SAE1: variants seen among roughly 807,000 people sequenced by gnomAD.
The protein encoded by SAE1 is SUMO-activating enzyme subunit 1.
SAE1 carries 11 observed loss-of-function variants against 40.6 expected under a neutral mutation model. That is an observed-to-expected ratio of 0.27 (90% CI 0.17 to 0.45). The LOEUF (loss-of-function observed/expected upper bound fraction) is 0.45, where lower values mean the gene tolerates loss of function less well. SAE1 is among the 20% of genes least tolerant of loss of function. The probability of loss-of-function intolerance (pLI) is 1.00; values close to 1 mark genes in which losing one functional copy is unlikely to be tolerated. For missense variants in SAE1, 373 were observed against 427.3 expected, an observed-to-expected ratio of 0.87 and a Z score of 1.12; for synonymous variants, 155 against 154.3, an observed-to-expected ratio of 1.00 and a Z score of -0.03.
At chr19:47,167,481 C>T (rs2123246483) in intron 5 of SAE1, among the ~76,000 whole-genome samples, 1 of 152,196 alleles carries the variant, frequency 6.6e-6, no homozygotes, top group South Asian at 2.1e-4. Context: ...ACCTTGTGAT[C>T]TGCCCGCCTT....
At chr19:47,137,323 G>A (rs2058186692) in intron 1 of SAE1, among the ~76,000 whole-genome samples, 1 of 152,132 alleles carries the variant, frequency 6.6e-6, no homozygotes, top group African/African-American at 2.4e-5. Flanking sequence ...AGGAGGCAGA[G>A]GTTTTAGTGA....
intron 5 of SAE1, among the ~76,000 whole-genome samples, chr19:47,158,245 CAAA>C (rs2058335879): frequency 1.3e-5 from 2 of 152,092 alleles, no homozygotes; most frequent in Non-Finnish European, 2.9e-5. Context: ...CGTTGAAAAA[CAAA>C]AAGGAAAAAC....
intron 6 of SAE1, among the ~76,000 whole-genome samples, chr19:47,196,326 C>T (rs1266731774): frequency 2.3e-5 from 3 of 129,580 alleles, no homozygotes; most frequent in Admixed American, 1.7e-4. Flanking sequence ...TGAGCCACCG[C>T]GCCTGGCTTT....
chr19:47,203,335 C>T (rs970318975), intron 7 of SAE1, among the ~76,000 whole-genome samples: 1 of 152,076 alleles, frequency 6.6e-6, no homozygotes, highest in African/African-American at 2.4e-5. Context: ...AAGAGAATTG[C>T]GAGAATGTGA....
chr19:47,197,202 T>C (rs1365647016), intron 6 of SAE1, 31 bp from the exon 7 acceptor site: 1 of 1,576,672 alleles, frequency 6.3e-7, no homozygotes, highest in Non-Finnish European at 8.6e-7. Flanking sequence ...AAAAGTGGCT[T>C]TATAACCTGC....
intron 6 of SAE1, among the ~76,000 whole-genome samples, chr19:47,172,240 C>G (rs564235274): frequency 5.3e-5 from 8 of 152,180 alleles, no homozygotes; most frequent in African/African-American, 1.7e-4. Flanking sequence ...TTGAAAGTCC[C>G]GAATATCCAT....
intron 7 of SAE1, among the ~76,000 whole-genome samples, chr19:47,200,399 AT>A (rs35657499): frequency 0.2 from 20,429 of 102,798 alleles, 1,023 homozygotes; most frequent in South Asian, 0.26. Flanking sequence ...AGCCTGCCTA[AT>A]TTTTTTTTTT....
At chr19:47,198,199 G>A (rs920611708) in intron 7 of SAE1, among the ~76,000 whole-genome samples, 4 of 151,732 alleles carry the variant, frequency 2.6e-5, no homozygotes, top group African/African-American at 7.3e-5. Flanking sequence ...AACTTCTGCC[G>A]CCTGGGTCCA....
rs1373293298 is a variant in SAE1, at chr19:47,143,489, T to C, written c.99-5T>C. 6.2e-7 allele frequency: 1 copy of C among 1,610,922 alleles called. No individual in the cohort carries two copies. The highest frequency in any genetic ancestry group is 8.5e-7 in the Non-Finnish European group (1 of 1,177,086). Reference sequence around the variant, plus strand: ...ATCATCAGGTTAACAATGTTTGTCTTACAGGCTGCGGGCCTCTCGGGTGCT... The same window carrying C: ...ATCATCAGGTTAACAATGTTTGTCTCACAGGCTGCGGGCCTCTCGGGTGCT... On this transcript the variant is annotated splice_region_variant and splice_polypyrimidine_tract_variant and intron_variant, in intron 1 of 8. Transcript: ENST00000270225.
intron 6 of SAE1, among the ~76,000 whole-genome samples, chr19:47,172,598 G>A (rs1431572272): frequency 6.6e-6 from 1 of 151,908 alleles, no homozygotes; most frequent in African/African-American, 2.4e-5. Context: ...CAGCTACTCG[G>A]GAGGCTGAGG....
intron 3 of SAE1, among the ~76,000 whole-genome samples, chr19:47,152,242 C>T (rs1052043115): frequency 6.6e-6 from 1 of 152,220 alleles, no homozygotes; most frequent in Non-Finnish European, 1.5e-5. Context: ...CCTCAACTTA[C>T]TGGAATACAA....
intron 1 of SAE1, among the ~76,000 whole-genome samples, chr19:47,132,111 C>T (rs1331750093): frequency 6.6e-6 from 1 of 151,840 alleles, no homozygotes; most frequent in South Asian, 2.1e-4. Flanking sequence ...TACAGGCTCG[C>T]GCCACCATGC....
chr19:47,181,476 CTT>C lies in SAE1; in HGVS notation c.733+11572_733+11573del, dbSNP rs202245801. ...TTTGTTTTTCTTGTTTTTTCTTTTCCTTTTTTTTTTTTTTTTTTTTGAGATGG... is the reference window on the plus strand; with the variant it reads ...TTTGTTTTTCTTGTTTTTTCTTTTCCTTTTTTTTTTTTTTTTTTGAGATGG... On this transcript the variant is annotated intron_variant, in intron 6 of 8. Coordinates refer to ENST00000270225, the MANE Select transcript of SAE1 (RefSeq NM_005500.3). Among the ~76,000 whole-genome samples, 783 of 99,734 alleles carry C rather than the reference CTT, an allele frequency of 7.9e-3. 2 individuals carry two copies. Among genetic ancestry groups the C allele is most frequent in the African/African-American group, 0.03 (645 of 21,346 alleles). 65.4% of individuals were successfully genotyped at this position (99,734 alleles called of 152,430 possible).
chr19:47,200,023 C>T (rs532584204), intron 7 of SAE1, among the ~76,000 whole-genome samples: 12 of 151,898 alleles, frequency 7.9e-5, no homozygotes, highest in East Asian at 1.9e-4. Flanking sequence ...TTCCGCCTCC[C>T]GGGTTCACGC....
chr19:47,206,698 G>A (rs537525846), intron 8 of SAE1, among the ~76,000 whole-genome samples: 1 of 152,296 alleles, frequency 6.6e-6, no homozygotes, highest in South Asian at 2.1e-4. Flanking sequence ...GGGTCTAAGA[G>A]TTCCACCTGT....
At position 47,180,829 on chromosome 19, in the gene SAE1, A is replaced by C. The variant is rs74254136; in HGVS notation, c.733+10906A>C. Among the ~76,000 whole-genome samples the C allele has an allele frequency of 1.4e-3, 217 of 152,290 alleles. 7 individuals are homozygous for C. In the East Asian group the frequency reaches 0.037, roughly 26 times the overall value. On this transcript the variant is annotated intron_variant, in intron 6 of 8. Transcript: ENST00000270225. ...AAGACTTTGTCTCCCCCGAAAAAGA[A>C]GATGCTTTTAAATGAATTACATAGA...
chr19:47,192,564 A>T (rs2058585896), intron 6 of SAE1, among the ~76,000 whole-genome samples: 1 of 151,204 alleles, frequency 6.6e-6, no homozygotes. Context: ...TTATTTTTTG[A>T]GACAGCCTCT....
intron 5 of SAE1, among the ~76,000 whole-genome samples, chr19:47,166,341 T>A (rs2058392174): frequency 6.6e-6 from 1 of 152,150 alleles, no homozygotes; most frequent in African/African-American, 2.4e-5. Context: ...GTGTGAAAAT[T>A]TCAAATTTGA....
intron 8 of SAE1, 62 bp from the exon 9 acceptor site, chr19:47,209,097 T>C: frequency 6.5e-7 from 1 of 1,549,384 alleles, no homozygotes; most frequent in East Asian, 2.3e-5. Flanking sequence ...TTTAGAATTT[T>C]TTTTTCCCTC....
Sources: allele counts gnomAD v4.1 joint callset (sites outside exome capture counted in the v4.1 genomes callset), GRCh38; gene constraint gnomAD v4.1.1; transcripts MANE v1.5; gene names NCBI Gene and HGNC (gene_info 2026-07-23, HGNC 2026-07-21).